The following CILP variants were observed in gnomAD, a reference collection of about 807,000 sequenced individuals.
CILP encodes cartilage intermediate layer protein 1.
Under a neutral mutation model 82.5 loss-of-function variants are expected in CILP, and 75 were observed. The observed-to-expected ratio is 0.91, with a 90% CI of 0.75 to 1.10. The LOEUF is 1.10. CILP is among the 50% of genes least tolerant of loss of function. The pLI is 0.00. For missense variants in CILP, 1,479 were observed against 1,530.8 expected, an observed-to-expected ratio of 0.97 and a Z score of 0.56; for synonymous variants, 530 against 580.3, an observed-to-expected ratio of 0.91 and a Z score of 1.25.
chr15:65,204,681 C>A, intron 5 of CILP, 99 bp from the exon 6 acceptor site: 1 of 1,202,574 alleles, frequency 8.3e-7, no homozygotes. Context: ...CCTTTGCTAC[C>A]CTCCCTTATC....
chr15:65,201,722 C>A, intron 8 of CILP, 150 bp downstream of exon 8: 1 of 422,650 alleles, frequency 2.4e-6, no homozygotes, highest in Non-Finnish European at 3.7e-6. Flanking sequence ...CAGCGAGACT[C>A]CATCTCAAAA....
At chr15:65,199,349 A>T (rs571498241) in intron 8 of CILP, among the ~76,000 whole-genome samples, 1 of 152,280 alleles carries the variant, frequency 6.6e-6, no homozygotes, top group South Asian at 2.1e-4. Context: ...TTGAAAATTT[A>T]TGAAGGTGTT....
Position 65,196,816 on chromosome 15 carries a change from C to T in CILP, c.3470G>A (p.Arg1157Gln), listed in dbSNP as rs750198599. The part of the protein sequence containing the change: ...QGRVPSRRQQ[R>Q]ASRGGQRQGG... ...CTGGCGCTGGCCACCCCTGCTCGCT[C>T]GCTGCTGCCTCCTCGAGGGCACTCT... Residue 1157 changes from arginine (R) to glutamine (Q), a missense_variant, in exon 9 of 9, where the codon CGA (arginine) becomes CAA (glutamine). Transcript: ENST00000261883. 1.3e-5 allele frequency: 21 copies of T among 1,609,814 alleles called. No homozygotes were observed. Among genetic ancestry groups the T allele is most frequent in the African/African-American group, 5.3e-5 (4 of 74,880 alleles).
Position 65,204,355 on chromosome 15 carries a change from T to C in CILP, c.832A>G (p.Thr278Ala). The C allele has an allele frequency of 6.2e-7, 1 of 1,614,210 alleles. No homozygotes were observed. Among genetic ancestry groups the C allele is most frequent in the East Asian group, 2.2e-5 (1 of 44,882 alleles). The part of the protein sequence containing the change: ...CPDGKSILKI[T>A]KVKFAPIVLT... The stretch of plus-strand genomic sequence containing the variant: ...ACAATGGGGGCAAACTTGACCTTTG[T>C]GATCTTCAGGATGCTTTTGCCATCA... Residue 278 changes from threonine to alanine, a missense_variant, in exon 6 of 9, where the codon ACA (threonine) becomes GCA (alanine). Physicochemically the swap from Thr to Ala is moderately conservative, Grantham distance 58 (BLOSUM62 0). Coordinates refer to ENST00000261883, the MANE Select transcript of CILP (RefSeq NM_003613.4).
rs759331916 is a variant in CILP at position 65,198,757 on chromosome 15, A to T, written c.1529T>A (p.Val510Glu). 1 of 1,614,142 alleles carries T rather than the reference A, an allele frequency of 6.2e-7. No homozygotes were observed. Among genetic ancestry groups the T allele is most frequent in the Non-Finnish European group, 8.5e-7 (1 of 1,180,034 alleles). Residue 510 changes from valine to glutamate, a missense_variant, in exon 9 of 9, where the codon GTG (valine) becomes GAG (glutamate). Physicochemically the swap from Val to Glu is moderately radical, Grantham distance 121. Transcript: ENST00000261883. ...DNGEPMRFGHVYMGNSRVSMT... is the reference protein window; with the variant it reads ...DNGEPMRFGHEYMGNSRVSMT... ...GCTTACACGGCTGTTCCCCATGTAC[A>T]CATGGCCAAAGCGCATGGGCTCCCC...
Position 65,198,924 on chromosome 15 carries a change from G to T in CILP, c.1362C>A (p.Cys454Ter). The change falls in exon 9 of 9, where the codon TGC becomes TGA. Residue 454 changes from cysteine to a stop codon, truncating the protein, a stop_gained. Coordinates refer to ENST00000261883, the MANE Select transcript of CILP (RefSeq NM_003613.4). LOFTEE classifies it high-confidence loss of function. ...TTTCCTCTGTCTTGGAGATGCCACA[G>T]CAGTTCTGCACAGCATCACGGCACC... ...GIRCRDAVQN[C>*]CGISKTEERE... is the part of the protein sequence containing the mutation. 6.2e-7 allele frequency: 1 copy of T among 1,614,050 alleles called. No homozygotes were observed. Among genetic ancestry groups the T allele is most frequent in the Non-Finnish European group, 8.5e-7 (1 of 1,180,036 alleles).
Position 65,205,283 on chromosome 15 carries a change from G to T in CILP, c.604+4C>A, listed in dbSNP as rs371882008. ...CTGCCCAGTGCCAGGAGGGAGGGTG[G>T]TACCTGTACAGTCCTGGCCCATGCA... On this transcript the variant is annotated splice_donor_region_variant and intron_variant, in intron 5 of 8. Transcript: ENST00000261883. 32 of 1,598,290 alleles carry T rather than the reference G, an allele frequency of 2.0e-5. No homozygotes were observed. The African/African-American group carries it at 3.9e-4, about 19-fold the overall frequency.
At chr15:65,202,938 C>T (rs1211067472) in intron 7 of CILP, among the ~76,000 whole-genome samples, 1 of 149,292 alleles carries the variant, frequency 6.7e-6, no homozygotes, top group Admixed American at 6.8e-5. Context: ...TGGACTCAAG[C>T]GATCCTCCTA....
chr15:65,203,489 A>G lies in CILP; in HGVS notation c.920-19T>C, dbSNP rs2073707. On this transcript the variant is annotated intron_variant, in intron 6 of 8. Coordinates refer to ENST00000261883, the MANE Select transcript of CILP (RefSeq NM_003613.4). ...GGAGTCTCTGGGACAGAAAATGAGA[A>G]ATAGCATTTTGGGTTTTTGTGTGTG... 963,864 of 1,594,374 alleles carry G rather than the reference A, an allele frequency of 0.6. 297,196 individuals are homozygous for G. Among genetic ancestry groups the G allele is most frequent in the African/African-American group, 0.65 (47,966 of 74,324 alleles).
chr15:65,197,827 T>C lies in CILP; in HGVS notation c.2459A>G (p.Tyr820Cys), dbSNP rs780269368. The stretch of plus-strand genomic sequence containing the variant: ...CAGGCTTGCCAAGACATAGGCAGAG[T>C]AGGCATCAGGGGACTGGTCATCACA... Reference protein sequence around the residue: ...AFCDDQSPDAYSAYVLASLAG... With the variant: ...AFCDDQSPDACSAYVLASLAG... Residue 820 changes from tyrosine (Y) to cysteine (C), a missense_variant, in exon 9 of 9, where the codon TAC (tyrosine) becomes TGC (cysteine). Transcript: ENST00000261883. 1.2e-6 allele frequency: 2 copies of C among 1,613,760 alleles called. No homozygotes were observed. The highest frequency in any genetic ancestry group is 1.7e-6 in the Non-Finnish European group (2 of 1,179,946).
At chr15:65,210,456 G>A (rs2088573345) in intron 1 of CILP, among the ~76,000 whole-genome samples, 5 of 152,170 alleles carry the variant, frequency 3.3e-5, no homozygotes, top group Admixed American at 3.3e-4. Context: ...GCCAGCTGAC[G>A]GAAAGCAGAG....
In CILP at chr15:65,209,707, T is replaced by C; in HGVS notation, c.49A>G (p.Thr17Ala). The change falls in exon 2 of 9, where the codon ACA (threonine) becomes GCA (alanine). Residue 17 changes from threonine (T) to alanine (A), a missense_variant. Physicochemically the swap from Thr to Ala is moderately conservative, Grantham distance 58. Transcript: ENST00000261883. ...WVFSFLVLEV[T>A]SVLGRQTMLT... ...ACTTAGCCTATACCCAACACAGATG[T>C]GACTTCCAGGACCAGGAAGGAGAAC... 6.2e-7 allele frequency: 1 copy of C among 1,614,026 alleles called. No homozygotes were observed. Among genetic ancestry groups the C allele is most frequent in the East Asian group, 2.2e-5 (1 of 44,852 alleles).
At chr15:65,204,672 C>T in intron 5 of CILP, 90 bp from the exon 6 acceptor site, 1 of 1,278,376 alleles carries the variant, frequency 7.8e-7, no homozygotes, top group Non-Finnish European at 1.1e-6. Flanking sequence ...CCTCCTTGGC[C>T]TTTGCTACCC....
At chr15:65,211,006 C>T (rs1467688471) in intron 1 of CILP, among the ~76,000 whole-genome samples, 1 of 152,212 alleles carries the variant, frequency 6.6e-6, no homozygotes, top group Non-Finnish European at 1.5e-5. Context: ...TGGCCTGAGA[C>T]ACCTTGTGGA....
At chr15:65,208,392 T>C (rs1274662237) in intron 2 of CILP, among the ~76,000 whole-genome samples, 1 of 152,212 alleles carries the variant, frequency 6.6e-6, no homozygotes, top group African/African-American at 2.4e-5. Context: ...AGGATAATGA[T>C]AGTTCCTGCC....
rs1202246011 is a variant in CILP at position 65,198,813 on chromosome 15, G to A, written c.1473C>T (p.Ile491=). The change falls in exon 9 of 9, where the codon ATC becomes ATT. Residue 491 remains isoleucine, a synonymous_variant. Transcript: ENST00000261883. Reference sequence around the variant, plus strand: ...CAGCAGCACTGACACGGCCCCGCACGATGCTCCGAGTTTCCGTACACCGCT... The same window carrying A: ...CAGCAGCACTGACACGGCCCCGCACAATGCTCCGAGTTTCCGTACACCGCT... The part of the protein sequence containing the change: ...SCQRCTETRS[I]VRGRVSAADN... 6.8e-6 allele frequency: 11 copies of A among 1,614,004 alleles called. No individual in the cohort carries two copies. Among genetic ancestry groups the A allele is most frequent in the African/African-American group, 4.0e-5 (3 of 74,934 alleles).
chr15:65,209,596 G>A, intron 2 of CILP, 99 bp downstream of exon 2: 1 of 1,121,076 alleles, frequency 8.9e-7, no homozygotes, highest in Non-Finnish European at 1.3e-6. Flanking sequence ...TTAAGGCCTT[G>A]CTGTGTCTTA....
chr15:65,203,886 T>C (rs2088487716), intron 6 of CILP, among the ~76,000 whole-genome samples: 2 of 152,254 alleles, frequency 1.3e-5, no homozygotes, highest in Non-Finnish European at 2.9e-5. Flanking sequence ...CCGCACACTA[T>C]ATTGTATTGA....
intron 7 of CILP, among the ~76,000 whole-genome samples, 159 bp from the exon 8 acceptor site, chr15:65,202,188 C>T (rs1161429166): frequency 1.3e-5 from 2 of 152,136 alleles, no homozygotes; most frequent in Non-Finnish European, 2.9e-5. Context: ...ACTAATTGGC[C>T]TGGGAAACAA....
Sources: gnomAD v4.1 joint callset for allele counts (sites outside exome capture counted in the v4.1 genomes callset) on GRCh38, gnomAD v4.1.1 for gene constraint, MANE v1.5 for transcripts, NCBI Gene and HGNC (gene_info 2026-07-23, HGNC 2026-07-21) for gene names.